SDK1: variants seen among roughly 807,000 people sequenced by gnomAD.
SDK1 encodes the protein protein sidekick-1.
A neutral mutation model predicts 245.5 loss-of-function variants in SDK1; 157 were observed. The ratio of observed to expected loss-of-function variants is 0.64; its 90% CI spans 0.56 to 0.73. SDK1 has a LOEUF of 0.73. Among genes scored for constraint, SDK1 ranks in the 30% least tolerant of loss-of-function variants. The probability of loss-of-function intolerance (pLI) is 0.00; values close to 1 mark genes in which losing one functional copy is unlikely to be tolerated. For missense variants in SDK1, 3,583 were observed against 3,002.3 expected, an observed-to-expected ratio of 1.19 and a Z score of -4.52; for synonymous variants, 1,647 against 1,278.5, an observed-to-expected ratio of 1.29 and a Z score of -6.15.
intron 1 of SDK1, among the ~76,000 whole-genome samples, chr7:3,373,077 C>T (rs534061496): frequency 3.3e-5 from 5 of 152,260 alleles, no homozygotes; most frequent in South Asian, 4.1e-4. Context: ...ATTTCCTATA[C>T]GGATGTAGTG....
chr7:3,579,676 C>A (rs556242328), intron 1 of SDK1, among the ~76,000 whole-genome samples: 1 of 151,898 alleles, frequency 6.6e-6, no homozygotes, highest in East Asian at 1.9e-4. Context: ...TTGGCCAGTC[C>A]TGGTTGTGGA....
rs1779640968 is a variant in SDK1, at chr7:3,821,334, C to T, written c.714-116C>T. On this transcript the variant is annotated intron_variant, in intron 4 of 44. Coordinates refer to ENST00000404826, the MANE Select transcript of SDK1 (RefSeq NM_152744.4). ...CGGCCTGTGTATTGTTTTTGTCCTT[C>T]CAGCTCTTCTTTTAAACTCTAGGCA... 5.3e-5 allele frequency: 64 copies of T among 1,208,026 alleles called. No individual in the cohort carries two copies. The South Asian group carries it at 6.8e-4, about 13-fold the overall frequency. The allele number at this position is 1,208,026 out of a possible 1,614,324, so 74.8% of individuals were successfully genotyped here.
chr7:3,909,689 C>T (rs1779092463), intron 5 of SDK1, among the ~76,000 whole-genome samples: 1 of 152,184 alleles, frequency 6.6e-6, no homozygotes, highest in Non-Finnish European at 1.5e-5. Context: ...AAATACACGG[C>T]TTTAAAGTAG....
rs183668442 is a variant in SDK1 at position 4,236,730 on chromosome 7, C to G, written c.5993-917C>G. 4.2e-3 allele frequency among the ~76,000 whole-genome samples: 642 copies of G among 152,060 alleles called. 6 individuals are homozygous for G. Among genetic ancestry groups the G allele is most frequent in the African/African-American group, 0.015 (605 of 41,462 alleles). On this transcript the variant is annotated intron_variant, in intron 41 of 44. Coordinates refer to ENST00000404826, the MANE Select transcript of SDK1 (RefSeq NM_152744.4). ...GGGTGATGTAAAGGATGGATCTGAG[C>G]AAGACAGGAGGAGGCGTAACAGGTG...
intron 28 of SDK1, among the ~76,000 whole-genome samples, chr7:4,134,082 G>T (rs1407001419): frequency 1.3e-5 from 2 of 152,176 alleles, no homozygotes; most frequent in Admixed American, 6.5e-5. Context: ...CACTCCGGCA[G>T]CCTGAGAAGG....
intron 4 of SDK1, among the ~76,000 whole-genome samples, chr7:3,785,265 A>C (rs1226430273): frequency 6.6e-6 from 1 of 151,754 alleles, no homozygotes; most frequent in East Asian, 1.9e-4. Context: ...TTTTTTTTTT[A>C]GTTTTGTTGC....
chr7:4,175,872 C>G, intron 34 of SDK1, 38 bp downstream of exon 34: 1 of 1,574,854 alleles, frequency 6.3e-7, no homozygotes, highest in South Asian at 1.1e-5. Flanking sequence ...TGCCGCGAGG[C>G]GCACACACTG....
intron 28 of SDK1, among the ~76,000 whole-genome samples, chr7:4,137,373 C>T (rs997993099): frequency 6.6e-6 from 1 of 152,216 alleles, no homozygotes; most frequent in Non-Finnish European, 1.5e-5. Context: ...CGTCAGTCTT[C>T]AGGCTGACCT....
At chr7:3,367,967 C>G (rs753853422) in intron 1 of SDK1, among the ~76,000 whole-genome samples, 8 of 152,224 alleles carry the variant, frequency 5.3e-5, no homozygotes, top group Non-Finnish European at 1.2e-4. Context: ...GCTTGACTCT[C>G]TTCCCTGTAA....
chr7:3,585,295 A>G (rs1780648562), intron 1 of SDK1, among the ~76,000 whole-genome samples: 2 of 152,326 alleles, frequency 1.3e-5, no homozygotes, highest in South Asian at 2.1e-4. Context: ...AATAGACCAG[A>G]CAAGAAATAA....
chr7:4,131,097 G>A (rs1482298393), intron 27 of SDK1, among the ~76,000 whole-genome samples: 1 of 152,178 alleles, frequency 6.6e-6, no homozygotes, highest in Non-Finnish European at 1.5e-5. Flanking sequence ...TGGGAATGTG[G>A]GTGTTGTTTC....
chr7:3,514,437 G>C (rs1782673985), intron 1 of SDK1, among the ~76,000 whole-genome samples: 1 of 152,186 alleles, frequency 6.6e-6, no homozygotes, highest in Admixed American at 6.5e-5. Context: ...TGTGGCTTAA[G>C]CAAGGGAAAG....
intron 1 of SDK1, among the ~76,000 whole-genome samples, chr7:3,454,386 A>ATT (rs1005176458): frequency 3.8e-4 from 22 of 58,438 alleles, no homozygotes; most frequent in Non-Finnish European, 5.8e-4. Context: ...GTTCCCCAAG[A>ATT]TTTGTGTGTG....
At chr7:3,775,043 T>C (rs1583400874) in intron 4 of SDK1, among the ~76,000 whole-genome samples, 1 of 152,154 alleles carries the variant, frequency 6.6e-6, no homozygotes, top group South Asian at 2.1e-4. Flanking sequence ...GATGGCAGGG[T>C]CAGCTTTTTG....
intron 5 of SDK1, among the ~76,000 whole-genome samples, chr7:3,876,099 T>G (rs1462612762): frequency 2.0e-5 from 3 of 152,164 alleles, no homozygotes; most frequent in Non-Finnish European, 4.4e-5. Flanking sequence ...ACTGCTGTGG[T>G]GTGAGTCAGG....
intron 2 of SDK1, among the ~76,000 whole-genome samples, chr7:3,631,813 A>G (rs1266488930): frequency 4.6e-5 from 7 of 152,220 alleles, no homozygotes; most frequent in Non-Finnish European, 8.8e-5. Context: ...ACCTTGCCAG[A>G]ATTGACCAAA....
At chr7:4,163,916 C>G (rs2128213620) in intron 32 of SDK1, among the ~76,000 whole-genome samples, 1 of 152,312 alleles carries the variant, frequency 6.6e-6, no homozygotes, top group East Asian at 1.9e-4. Flanking sequence ...GCTACTGCCA[C>G]TTATCTGAGG....
rs147036637 is a variant in SDK1 at position 3,505,786 on chromosome 7, G to A, written c.299-113294G>A. 2.0e-5 allele frequency among the ~76,000 whole-genome samples: 3 copies of A among 152,228 alleles called. No homozygotes were observed. The East Asian group carries it at 5.8e-4, about 29-fold the overall frequency. ...TAGATGTGGAGAACTGACCTTTTGA[G>A]TATGCACATTCTGCAGGGACAACTG... On this transcript the variant is annotated intron_variant, in intron 1 of 44. Transcript: ENST00000404826.
chr7:3,391,480 C>A (rs1419636804), intron 1 of SDK1, among the ~76,000 whole-genome samples: 1 of 151,464 alleles, frequency 6.6e-6, no homozygotes, highest in East Asian at 1.9e-4. Flanking sequence ...TTTTTTTTTC[C>A]TTTACGTTTT....
Sources: gnomAD v4.1 joint callset for allele counts (sites outside exome capture counted in the v4.1 genomes callset) on GRCh38, gnomAD v4.1.1 for gene constraint, MANE v1.5 for transcripts, NCBI Gene and HGNC (gene_info 2026-07-23, HGNC 2026-07-21) for gene names.